PYGL: variants seen among roughly 807,000 people sequenced by gnomAD.
PYGL encodes the protein glycogen phosphorylase, liver form.
Under a neutral mutation model 100.1 loss-of-function variants are expected in PYGL, and 90 were observed. That is an observed-to-expected ratio of 0.90 (90% confidence interval 0.76 to 1.07). The LOEUF is 1.07. Ranked by LOEUF, PYGL falls within the 50% of genes least tolerant of loss-of-function variation. The probability of loss-of-function intolerance (pLI) is 0.00; values close to 1 mark genes in which losing one functional copy is unlikely to be tolerated. For missense variants in PYGL, 1,016 were observed against 1,057.6 expected (o/e 0.96, Z 0.55); for synonymous variants, 373 against 393.0 (o/e 0.95, Z 0.60).
Position 50,924,063 on chromosome 14 carries a change from G to A in PYGL, c.566C>T (p.Pro189Leu), listed in dbSNP as rs1005590513. 6.2e-7 allele frequency: 1 copy of A among 1,613,668 alleles called. No individual in the cohort carries two copies. The highest frequency in any genetic ancestry group is 8.5e-7 in the Non-Finnish European group (1 of 1,179,758). The change falls in exon 5 of 20, where the codon CCT becomes CTT. Residue 189 changes from proline to leucine, a missense_variant. Coordinates refer to ENST00000216392, the MANE Select transcript of PYGL (RefSeq NM_002863.5). The stretch of plus-strand genomic sequence containing the variant: ...GAATTCTGGGCGGGACTTCTCCCAA[G>A]GGTTTCCATATCTGAGCCAATCATC... ...EADDWLRYGN[P>L]WEKSRPEFML...
intron 4 of PYGL, among the ~76,000 whole-genome samples, chr14:50,929,622 A>G (rs189538756): frequency 1.3e-5 from 2 of 152,328 alleles, no homozygotes; most frequent in Admixed American, 1.3e-4. Flanking sequence ...TTAAGAGATA[A>G]GAAATGAGAT....
At position 50,911,853 on chromosome 14, in the gene PYGL, T is replaced by C. The variant is rs761692623; in HGVS notation, c.1846A>G (p.Met616Val). 3.7e-6 allele frequency: 6 copies of C among 1,601,654 alleles called. No homozygotes were observed. The highest frequency in any genetic ancestry group is 1.1e-5 in the South Asian group (1 of 90,580). ...ATCAGCTTTATGATCATTTTGGCCA[T>C]GTGATATCCTGGGGCAGCCTTTGGG... ...IGGKAAPGYH[M>V]AKMIIKLITS... The change falls in exon 16 of 20, where the codon ATG becomes GTG. Residue 616 changes from methionine to valine, a missense_variant. By Grantham distance (21) the Met-to-Val change is conservative. Coordinates refer to ENST00000216392, the MANE Select transcript of PYGL (RefSeq NM_002863.5).
At chr14:50,909,258 T>C (rs2050366581) in intron 17 of PYGL, among the ~76,000 whole-genome samples, 1 of 152,214 alleles carries the variant, frequency 6.6e-6, no homozygotes. Context: ...AAGCAGACTT[T>C]ATGGCTTTAA....
chr14:50,932,660 TG>T (rs1364127472), intron 3 of PYGL, among the ~76,000 whole-genome samples: 1 of 152,242 alleles, frequency 6.6e-6, no homozygotes, highest in African/African-American at 2.4e-5. Flanking sequence ...TGTTATTTAA[TG>T]ACAGGGCATC....
In PYGL at chr14:50,941,210, G is replaced by A. The variant is rs60561477; in HGVS notation, c.243+2951C>T. Among the ~76,000 whole-genome samples the A allele has an allele frequency of 1.5e-3, 234 of 152,296 alleles. 2 individuals carry two copies. The highest frequency in any genetic ancestry group is 5.2e-3 in the African/African-American group (218 of 41,560). ...ATACTCAAATGCCTTCAGGAGCTAGGCAGAGAAAATAAATGTGTAATTGAG... is the reference window on the plus strand; with the variant it reads ...ATACTCAAATGCCTTCAGGAGCTAGACAGAGAAAATAAATGTGTAATTGAG... On this transcript the variant is annotated intron_variant, in intron 1 of 19. Transcript: ENST00000216392.
Position 50,908,333 on chromosome 14 carries a change from T to G in PYGL, c.2317A>C (p.Lys773Gln). The G allele has an allele frequency of 6.3e-7, 1 of 1,594,894 alleles. No homozygotes were observed. Among genetic ancestry groups the G allele is most frequent in the Middle Eastern group, 1.7e-4 (1 of 6,030 alleles). The change falls in exon 19 of 20, where the codon AAA becomes CAA. Residue 773 changes from lysine to glutamine, a missense_variant. Lys to Gln is a moderately conservative substitution (Grantham distance 53). Transcript: ENST00000216392. ...INMLFYHDRFKVFADYEAYVK... is the reference protein window; with the variant it reads ...INMLFYHDRFQVFADYEAYVK... ...TAGGCTTCGTAGTCTGCAAAGACTT[T>G]AAACCTTTTATTTTGTGAGTGGAAG...
At chr14:50,916,405 A>G (rs2050449624) in intron 9 of PYGL, among the ~76,000 whole-genome samples, 1 of 152,210 alleles carries the variant, frequency 6.6e-6, no homozygotes, top group South Asian at 2.1e-4. Flanking sequence ...ACACAATATA[A>G]GCCTTAATAT....
At chr14:50,937,549 T>C (rs17123212) in intron 2 of PYGL, among the ~76,000 whole-genome samples, 187 bp downstream of exon 2, 3,117 of 152,370 alleles carry the variant, frequency 0.02, 25 homozygotes, top group African/African-American at 0.031. Flanking sequence ...TCTAACTTTT[T>C]CTGGTTGTTC....
intron 4 of PYGL, among the ~76,000 whole-genome samples, chr14:50,926,594 C>T (rs1427882884): frequency 9.4e-5 from 14 of 149,520 alleles, no homozygotes; most frequent in Middle Eastern, 7.3e-3. Context: ...GGCATGGTGG[C>T]GGGCACCTGT....
At chr14:50,919,886 G>A (rs2050485161) in intron 7 of PYGL, among the ~76,000 whole-genome samples, 1 of 151,974 alleles carries the variant, frequency 6.6e-6, no homozygotes, top group Admixed American at 6.6e-5. Flanking sequence ...GTTTCGTCAT[G>A]TTGGCCAGGC....
At chr14:50,910,495 AC>A (rs1349287593) in intron 16 of PYGL, among the ~76,000 whole-genome samples, 1 of 151,750 alleles carries the variant, frequency 6.6e-6, no homozygotes, top group Non-Finnish European at 1.5e-5. Context: ...TCTCTCTGTC[AC>A]CCAGGCTGGA....
At chr14:50,909,084 T>C (rs1027678332) in intron 17 of PYGL, 129 bp from the exon 18 acceptor site, 172 of 1,039,464 alleles carry the variant, frequency 1.7e-4, no homozygotes, top group Non-Finnish European at 2.4e-5. Context: ...AAGACTTCAT[T>C]ATAGATTTCA....
At chr14:50,909,551 A>G (rs2050371079) in intron 17 of PYGL, among the ~76,000 whole-genome samples, 1 of 152,120 alleles carries the variant, frequency 6.6e-6, no homozygotes, top group African/African-American at 2.4e-5. Context: ...GCACTAGATC[A>G]TGATTTAAAT....
At chr14:50,937,136 A>C (rs966622820) in intron 2 of PYGL, among the ~76,000 whole-genome samples, 3 of 152,216 alleles carry the variant, frequency 2.0e-5, no homozygotes, top group African/African-American at 7.2e-5. Context: ...CACATCAAAA[A>C]GGTTAAGGGC....
Position 50,937,796 on chromosome 14 carries a change from T to A in PYGL, c.285A>T (p.Thr95=), listed in dbSNP as rs1282223904. The A allele has an allele frequency of 6.2e-7, 1 of 1,614,128 alleles. No homozygotes were observed. ...YLSLEFYMGR[T]LQNTMINLGL... is the part of the protein sequence containing the mutation. ...CGAGGTTGATCATGGTGTTCTGTAA[T>A]GTTCGGCCCATGTAAAATTCCAGAG... The change falls in exon 2 of 20, where the codon ACA becomes ACT. Residue 95 remains threonine, a synonymous_variant. Coordinates refer to ENST00000216392, the MANE Select transcript of PYGL (RefSeq NM_002863.5).
chr14:50,924,937 G>T (rs955412961), intron 4 of PYGL, among the ~76,000 whole-genome samples: 4 of 152,190 alleles, frequency 2.6e-5, no homozygotes, highest in Non-Finnish European at 4.4e-5. Flanking sequence ...AAACACATTG[G>T]AGGGGGATGT....
At chr14:50,915,715 TTGCTGTATCAA>T (rs1193079267) in intron 10 of PYGL, 99 bp downstream of exon 10, 3 of 1,484,830 alleles carry the variant, frequency 2.0e-6, no homozygotes, top group Admixed American at 1.9e-5. Context: ...TTGAGTACTT[TTGCTGTATCAA>T]TGATTGAAAG....
intron 2 of PYGL, among the ~76,000 whole-genome samples, chr14:50,935,435 A>C (rs2050646318): frequency 6.6e-6 from 1 of 152,218 alleles, no homozygotes; most frequent in South Asian, 2.1e-4. Context: ...TACTTCTTAC[A>C]TGACCCTGGG....
intron 7 of PYGL, among the ~76,000 whole-genome samples, chr14:50,919,859 T>C (rs373537806): frequency 2.6e-4 from 39 of 152,246 alleles, no homozygotes; most frequent in African/African-American, 8.2e-4. Context: ...TTTTTTTGTA[T>C]TTTTAGTAGG....
Sources: allele counts gnomAD v4.1 joint callset (sites outside exome capture counted in the v4.1 genomes callset), GRCh38; gene constraint gnomAD v4.1.1; transcripts MANE v1.5; gene names NCBI Gene and HGNC (gene_info 2026-07-23, HGNC 2026-07-21).